The following PLPPR5 variants were observed in gnomAD, a reference collection of about 807,000 sequenced individuals.
PLPPR5 encodes the protein phospholipid phosphatase-related protein type 5.
In PLPPR5, 16 loss-of-function variants were observed where a neutral mutation model predicts 33.9. The ratio of observed to expected loss-of-function variants is 0.47; its 90% CI spans 0.32 to 0.72. The LOEUF is 0.72. Among genes scored for constraint, PLPPR5 ranks in the 30% least tolerant of loss-of-function variants. The pLI is 0.03. For synonymous variants in PLPPR5, 163 were observed against 150.3 expected, an observed-to-expected ratio of 1.08 and a Z score of -0.62; for missense variants, 301 against 406.7, an observed-to-expected ratio of 0.74 and a Z score of 2.23.
chr1:98,958,397 C>CT (rs1015265954), intron 1 of PLPPR5, among the ~76,000 whole-genome samples: 112 of 151,128 alleles, frequency 7.4e-4, no homozygotes, highest in South Asian at 3.1e-3. Flanking sequence ...TTTCCTCTTT[C>CT]TTTTTTTAAC....
intron 5 of PLPPR5, among the ~76,000 whole-genome samples, chr1:98,910,888 GTTT>G (rs66793213): frequency 5.6e-4 from 80 of 142,326 alleles, no homozygotes; most frequent in East Asian, 8.6e-4. Flanking sequence ...GCCAGAGAGT[GTTT>G]TTTTTTTTTT....
chr1:98,942,214 G>A (rs562715571), intron 3 of PLPPR5, among the ~76,000 whole-genome samples: 4 of 152,236 alleles, frequency 2.6e-5, no homozygotes, highest in African/African-American at 7.2e-5. Flanking sequence ...TAGAATTACA[G>A]ACATGCACCA....
intron 5 of PLPPR5, among the ~76,000 whole-genome samples, chr1:98,893,649 A>T (rs563394835): frequency 4.8e-4 from 62 of 130,006 alleles, no homozygotes; most frequent in African/African-American, 1.8e-3. Flanking sequence ...TTGGGAAATC[A>T]ACAGAATTAT....
rs58092144 is a variant in PLPPR5 at position 98,893,618 on chromosome 1, C to CTTTTTTTT, written c.934-522_934-515dup. 1.4e-3 allele frequency among the ~76,000 whole-genome samples: 127 copies of CTTTTTTTT among 90,070 alleles called. 6 individuals carry two copies. Among genetic ancestry groups the CTTTTTTTT allele is most frequent in the African/African-American group, 4.6e-3 (114 of 24,524 alleles). 59.1% of individuals were successfully genotyped at this position (90,070 alleles called of 152,430 possible). A position where few individuals can be genotyped will look rare whatever the true frequency, so the allele number is the denominator to read the frequency against. On this transcript the variant is annotated intron_variant, in intron 5 of 5. Transcript: ENST00000263177. ...TCTACCACAGAATTCTTCACAGCGC[C>CTTTTTTTT]TTTTTTTTTTTTTTTTTTTTTTGGG...
Position 98,953,184 on chromosome 1 carries a change from T to C in PLPPR5, c.507A>G (p.Gln169=), listed in dbSNP as rs904488500. ...YTALGCQQYT[Q]FISGEEACTG... is the part of the protein sequence containing the mutation. ...TACAGGCCTCTTCCCCACTGATGAA[T>C]TGTGTATACTGCTGACATCCAAGTG... The change falls in exon 3 of 6, where the codon CAA becomes CAG. Residue 169 remains glutamine (Q), a synonymous_variant. Transcript: ENST00000263177. 2.5e-6 allele frequency: 4 copies of C among 1,614,090 alleles called. No homozygotes were observed. The highest frequency in any genetic ancestry group is 3.4e-6 in the Non-Finnish European group (4 of 1,179,986).
At chr1:98,915,590 A>T (rs1649315022) in intron 4 of PLPPR5, among the ~76,000 whole-genome samples, 1 of 151,892 alleles carries the variant, frequency 6.6e-6, no homozygotes, top group East Asian at 1.9e-4. Context: ...AATAAAAATA[A>T]AAAGCCTGAT....
intron 1 of PLPPR5, among the ~76,000 whole-genome samples, chr1:98,979,945 G>A (rs1651997673): frequency 6.6e-6 from 1 of 151,938 alleles, no homozygotes; most frequent in South Asian, 2.1e-4. Flanking sequence ...GCTCTCTCAT[G>A]TCTAAGTGAC....
At chr1:98,964,184 T>A (rs1651352788) in intron 1 of PLPPR5, among the ~76,000 whole-genome samples, 1 of 152,194 alleles carries the variant, frequency 6.6e-6, no homozygotes, top group African/African-American at 2.4e-5. Flanking sequence ...TGCTAAAAGC[T>A]TTGTCACTTC....
intron 1 of PLPPR5, among the ~76,000 whole-genome samples, chr1:99,003,767 C>G (rs1429743049): frequency 6.6e-6 from 1 of 152,284 alleles, no homozygotes; most frequent in Admixed American, 6.5e-5. Flanking sequence ...GCCCAGGGAG[C>G]GGAGCAGCCT....
chr1:98,935,617 C>A (rs1650146028), intron 3 of PLPPR5, among the ~76,000 whole-genome samples: 1 of 152,132 alleles, frequency 6.6e-6, no homozygotes, highest in Non-Finnish European at 1.5e-5. Context: ...AATAGCCCCA[C>A]TGAATTAGTG....
intron 3 of PLPPR5, among the ~76,000 whole-genome samples, chr1:98,951,426 A>G (rs932861454): frequency 6.6e-6 from 1 of 152,204 alleles, no homozygotes; most frequent in Non-Finnish European, 1.5e-5. Context: ...GTGAGATGGC[A>G]AGGAGAGAGT....
At chr1:98,926,326 C>G (rs1401653246) in intron 3 of PLPPR5, among the ~76,000 whole-genome samples, 2 of 152,188 alleles carry the variant, frequency 1.3e-5, no homozygotes, top group Non-Finnish European at 2.9e-5. Context: ...AGATTGCACC[C>G]TATAGTCTTA....
At chr1:98,943,023 A>G (rs1650432998) in intron 3 of PLPPR5, among the ~76,000 whole-genome samples, 1 of 152,222 alleles carries the variant, frequency 6.6e-6, no homozygotes, top group Non-Finnish European at 1.5e-5. Context: ...CAATTGTCAT[A>G]ACAATGCACA....
At chr1:98,928,039 C>G (rs925024667) in intron 3 of PLPPR5, among the ~76,000 whole-genome samples, 3 of 151,978 alleles carry the variant, frequency 2.0e-5, no homozygotes, top group African/African-American at 7.3e-5. Context: ...CAAAGATAGC[C>G]TCATTTAACT....
intron 3 of PLPPR5, among the ~76,000 whole-genome samples, chr1:98,923,442 G>A (rs1444206070): frequency 1.3e-5 from 2 of 152,024 alleles, no homozygotes. Flanking sequence ...GCCTAAGAGA[G>A]TAAACCAAAA....
intron 5 of PLPPR5, among the ~76,000 whole-genome samples, chr1:98,906,038 A>G (rs1269612816): frequency 6.6e-6 from 1 of 151,972 alleles, no homozygotes; most frequent in Non-Finnish European, 1.5e-5. Flanking sequence ...GTAGGTAAAC[A>G]ACTCTTTCTG....
intron 3 of PLPPR5, among the ~76,000 whole-genome samples, chr1:98,931,169 G>A (rs1238525480): frequency 6.6e-6 from 1 of 152,094 alleles, no homozygotes; most frequent in African/African-American, 2.4e-5. Context: ...TATAAAAAGA[G>A]TTATTTTTAA....
intron 1 of PLPPR5, among the ~76,000 whole-genome samples, chr1:99,002,866 T>G (rs942418069): frequency 2.6e-5 from 4 of 151,648 alleles, no homozygotes; most frequent in African/African-American, 9.7e-5. Flanking sequence ...AAAACAATCC[T>G]TGAAAAATAT....
chr1:98,895,893 G>A lies in PLPPR5; in HGVS notation c.934-2789C>T, dbSNP rs144764608. Among the ~76,000 whole-genome samples, 271 of 152,096 alleles carry A rather than the reference G, an allele frequency of 1.8e-3. 1 individual carries two copies. Among genetic ancestry groups the A allele is most frequent in the African/African-American group, 6.4e-3 (264 of 41,518 alleles). On this transcript the variant is annotated intron_variant, in intron 5 of 5. Coordinates refer to ENST00000263177, the MANE Select transcript of PLPPR5 (RefSeq NM_001037317.2). Reference sequence around the variant, plus strand: ...TGCCTAGGGAAGAGAAAATTAAGGGGAAATTTAATCATAGTACATGAAAGG... The same window carrying A: ...TGCCTAGGGAAGAGAAAATTAAGGGAAAATTTAATCATAGTACATGAAAGG...
Sources: gnomAD v4.1 joint callset for allele counts (sites outside exome capture counted in the v4.1 genomes callset) on GRCh38, gnomAD v4.1.1 for gene constraint, MANE v1.5 for transcripts, NCBI Gene and HGNC (gene_info 2026-07-23, HGNC 2026-07-21) for gene names.